Variants in LCN6 observed in about 807,000 individuals in gnomAD.
The protein encoded by LCN6 is epididymal-specific lipocalin-6.
A neutral mutation model predicts 21.4 loss-of-function variants in LCN6; 20 were observed. The observed-to-expected ratio is 0.93, with a 90% CI of 0.66 to 1.36. LCN6 has a LOEUF of 1.36. Ranked by LOEUF, LCN6 falls within the 40% of genes most tolerant of loss-of-function variation. LCN6 has a pLI of 0.00. For synonymous variants in LCN6, 96 were observed against 89.0 expected (o/e 1.08, Z -0.44); for missense variants, 217 against 206.6 (o/e 1.05, Z -0.31).
At chr9:136,745,461 G>A (rs1847024993) in intron 3 of LCN6, 181 bp from the exon 4 acceptor site, 1 of 585,474 alleles carries the variant, frequency 1.7e-6, no homozygotes, top group African/African-American at 2.2e-5. Context: ...GACCCCACCT[G>A]GTGCCAGCAT....
In LCN6 at chr9:136,744,926, G is replaced by A. The variant is rs1424456664; in HGVS notation, c.413-185C>T. Among the ~76,000 whole-genome samples, 5 of 151,914 alleles carry A rather than the reference G, an allele frequency of 3.3e-5. No homozygotes were observed. The highest frequency in any genetic ancestry group is 9.7e-5 in the African/African-American group (4 of 41,308). On this transcript the variant is annotated intron_variant, in intron 4 of 6. Coordinates refer to ENST00000341206, the MANE Select transcript of LCN6 (RefSeq NM_198946.3). The surrounding 1 kb of genome is among the most constrained non-coding windows in gnomAD (Gnocchi z 4.2). Reference sequence around the variant, plus strand: ...ACTTGGCCTGCATGTGGTCCTGTGCGGCCCACCCACCACACAGCTCCCCAC... The same window carrying A: ...ACTTGGCCTGCATGTGGTCCTGTGCAGCCCACCCACCACACAGCTCCCCAC...
chr9:136,745,304 CAG>C (rs771259985), intron 3 of LCN6, 24 bp from the exon 4 acceptor site: 2 of 1,504,028 alleles, frequency 1.3e-6, no homozygotes, highest in South Asian at 2.3e-5. Context: ...CCCCCCGCCT[CAG>C]GGGAGGGCAG....
At chr9:136,746,028 A>G in intron 2 of LCN6, 114 bp from the exon 3 acceptor site, 1 of 877,512 alleles carries the variant, frequency 1.1e-6, no homozygotes, top group East Asian at 2.4e-5. Flanking sequence ...CAGAGCTTCC[A>G]TCTTCTGCCA....
At position 136,744,523 on chromosome 9, in the gene LCN6, G is replaced by T; in HGVS notation, c.*22+117C>A. On this transcript the variant is annotated intron_variant, in intron 5 of 6. Transcript: ENST00000341206. This position sits in a 1 kb window ranked among gnomAD's most constrained non-coding sequence, Gnocchi z 4.2. ...CCTCAGCCTGCCTGACTCCTTCAGG[G>T]CGACTGAGTCAGGCAGAAGCCAGAA... The T allele has an allele frequency of 1.5e-6, 1 of 651,318 alleles. No individual in the cohort carries two copies. Among genetic ancestry groups the T allele is most frequent in the East Asian group, 2.8e-5 (1 of 36,106 alleles). 40.3% of individuals were successfully genotyped at this position (651,318 alleles called of 1,614,324 possible). A position where few individuals can be genotyped will look rare whatever the true frequency, so the allele number is the denominator to read the frequency against.
At position 136,744,556 on chromosome 9, in the gene LCN6, C is replaced by A; in HGVS notation, c.*22+84G>T. 1 of 847,852 alleles carries A rather than the reference C, an allele frequency of 1.2e-6. No individual in the cohort carries two copies. Among genetic ancestry groups the A allele is most frequent in the Non-Finnish European group, 1.9e-6 (1 of 525,354 alleles). The allele number at this position is 847,852 out of a possible 1,614,324, so 52.5% of individuals were successfully genotyped here. A position where few individuals can be genotyped will look rare whatever the true frequency, so the allele number is the denominator to read the frequency against. Reference sequence around the variant, plus strand: ...GTCAGGCAGAAGCCAGAATCAACCCCAGGGTCTCTGTCACCCCATCACGCC... The same window carrying A: ...GTCAGGCAGAAGCCAGAATCAACCCAAGGGTCTCTGTCACCCCATCACGCC... On this transcript the variant is annotated intron_variant, in intron 5 of 6. Coordinates refer to ENST00000341206, the MANE Select transcript of LCN6 (RefSeq NM_198946.3). The surrounding 1 kb of genome is among the most constrained non-coding windows in gnomAD (Gnocchi z 4.2).
At chr9:136,745,545 G>A (rs1350764389) in intron 3 of LCN6, 9 of 589,070 alleles carry the variant, frequency 1.5e-5, no homozygotes, top group East Asian at 1.1e-4. Flanking sequence ...AACGAGGAGC[G>A]GCTGGGTCAC....
At position 136,748,465 on chromosome 9, in the gene LCN6, C is replaced by A; in HGVS notation, c.19G>T (p.Ala7Ser). MGGLLL[A>S]AFLALVSVPR... ...ACCGAGACCAAAGCCAGAAAAGCAG[C>A]CAGCAGCAGGCCGCCCATCCTCCCA... The change falls in exon 1 of 7, where the codon GCT becomes TCT. Residue 7 changes from alanine to serine, a missense_variant. By Grantham distance (99) the Ala-to-Ser change is moderately conservative. Coordinates refer to ENST00000341206, the MANE Select transcript of LCN6 (RefSeq NM_198946.3). The A allele has an allele frequency of 6.2e-7, 1 of 1,613,194 alleles. No homozygotes were observed. The highest frequency in any genetic ancestry group is 8.5e-7 in the Non-Finnish European group (1 of 1,179,916).
chr9:136,745,212 G>A lies in LCN6; in HGVS notation c.370C>T (p.Leu124=), dbSNP rs1280454527. Residue 124 remains leucine, a synonymous_variant, in exon 4 of 7, where the codon CTG becomes TTG. Coordinates refer to ENST00000341206, the MANE Select transcript of LCN6 (RefSeq NM_198946.3). ...TTGAAGGGCTCGTCCCCGAACTCCAGCTGAGTGAAGATGATGGCATAGTCT... is the reference window on the plus strand; with the variant it reads ...TTGAAGGGCTCGTCCCCGAACTCCAACTGAGTGAAGATGATGGCATAGTCT... ...FRDYAIIFTQ[L]EFGDEPFNTV... 3 of 1,613,584 alleles carry A rather than the reference G, an allele frequency of 1.9e-6. No individual in the cohort carries two copies. In the Admixed American group the frequency reaches 5.0e-5, roughly 27 times the overall value.
rs555545046 is a variant in LCN6 at position 136,745,182 on chromosome 9, C to T, written c.400G>A (p.Val134Met). 5.8e-5 allele frequency: 93 copies of T among 1,610,178 alleles called. No individual in the cohort carries two copies. Among genetic ancestry groups the T allele is most frequent in the Admixed American group, 1.7e-4 (10 of 60,010 alleles). Residue 134 changes from valine to methionine, a missense_variant, in exon 4 of 7, where the codon GTG becomes ATG. Physicochemically the swap from Val to Met is conservative, Grantham distance 21. Transcript: ENST00000341206. Reference protein sequence around the residue: ...LEFGDEPFNTVELYSLTETAS... With the variant: ...LEFGDEPFNTMELYSLTETAS... ...ACAGCACACTTACTGTACAGCTCCA[C>T]GGTGTTGAAGGGCTCGTCCCCGAAC...
Position 136,744,465 on chromosome 9 carries a change from G to C in LCN6, c.*23-101C>G. 1 of 524,494 alleles carries C rather than the reference G, an allele frequency of 1.9e-6. No homozygotes were observed. The highest frequency in any genetic ancestry group is 3.5e-6 in the Non-Finnish European group (1 of 288,234). The allele number at this position is 524,494 out of a possible 1,614,324, so 32.5% of individuals were successfully genotyped here. On this transcript the variant is annotated intron_variant, in intron 5 of 6. Transcript: ENST00000341206. This position sits in a 1 kb window ranked among gnomAD's most constrained non-coding sequence, Gnocchi z 4.2. ...GCCTGCCGTGGGGACAAGACCCCCA[G>C]GCCTGACTTTGGGCAGGGGCAGGTG...
rs1847012336 is a variant in LCN6 at position 136,744,794 on chromosome 9, G to A, written c.413-53C>T. On this transcript the variant is annotated intron_variant, in intron 4 of 6. Transcript: ENST00000341206. This position sits in a 1 kb window ranked among gnomAD's most constrained non-coding sequence, Gnocchi z 4.2. ...AAGCAACCTCTGAGAGCTGGGGAGG[G>A]GCCGGGGAGGGGCTGGGAAGGGTCA... The A allele has an allele frequency of 2.3e-6, 3 of 1,303,220 alleles. No individual in the cohort carries two copies. Among genetic ancestry groups the A allele is most frequent in the African/African-American group, 1.4e-5 (1 of 69,066 alleles). The allele number at this position is 1,303,220 out of a possible 1,614,324, so 80.7% of individuals were successfully genotyped here.
At chr9:136,745,812 G>T (rs200402405) in intron 3 of LCN6, 32 bp downstream of exon 3, 38 of 1,600,900 alleles carry the variant, frequency 2.4e-5, no homozygotes, top group Non-Finnish European at 3.2e-5. Context: ...AGGGAAGAAC[G>T]GCCTGGGTGA....
At chr9:136,746,023 C>T (rs970314554) in intron 2 of LCN6, 109 bp from the exon 3 acceptor site, 2 of 904,262 alleles carry the variant, frequency 2.2e-6, no homozygotes, top group Non-Finnish European at 3.6e-6. Flanking sequence ...GAGGCCAGAG[C>T]TTCCATCTTC....
rs1224574600 is a variant in LCN6 at position 136,744,151 on chromosome 9, C to T, written c.*49-9G>A. 1 of 154,096 alleles carries T rather than the reference C, an allele frequency of 6.5e-6. No homozygotes were observed. The highest frequency in any genetic ancestry group is 2.4e-5 in the African/African-American group (1 of 41,454). 9.5% of individuals were successfully genotyped at this position (154,096 alleles called of 1,614,324 possible). A position where few individuals can be genotyped will look rare whatever the true frequency, so the allele number is the denominator to read the frequency against. On this transcript the variant is annotated splice_polypyrimidine_tract_variant and intron_variant, in intron 6 of 6. Coordinates refer to ENST00000341206, the MANE Select transcript of LCN6 (RefSeq NM_198946.3). This position sits in a 1 kb window ranked among gnomAD's most constrained non-coding sequence, Gnocchi z 4.2. ...TGGGGACGCAGCACTCACTGAAAAC[C>T]AAGAGGAGTGTGAGGGGGCCCAGCC...
At chr9:136,748,320 C>T (rs1206131332) in intron 1 of LCN6, 74 bp downstream of exon 1, 3 of 1,349,426 alleles carry the variant, frequency 2.2e-6, no homozygotes, top group African/African-American at 1.5e-5. Flanking sequence ...CCTGGGGGGC[C>T]CAGAAGCTGT....
At chr9:136,746,393 G>A (rs1225542494) in intron 2 of LCN6, among the ~76,000 whole-genome samples, 1 of 149,998 alleles carries the variant, frequency 6.7e-6, no homozygotes, top group African/African-American at 2.5e-5. Flanking sequence ...AGGATGGGGC[G>A]GGGTGGGGGT....
intron 1 of LCN6, 139 bp from the exon 2 acceptor site, chr9:136,747,702 CAGCCT>C: frequency 3.6e-6 from 4 of 1,109,370 alleles, no homozygotes; most frequent in Non-Finnish European, 5.0e-6. Context: ...CTCCAGCCTC[CAGCCT>C]CCAACCCTCC....
At chr9:136,746,488 G>C (rs1847040510) in intron 2 of LCN6, among the ~76,000 whole-genome samples, 1 of 152,184 alleles carries the variant, frequency 6.6e-6, no homozygotes, top group Admixed American at 6.5e-5. Context: ...GTGCAATGGT[G>C]TTTGCCAAGG....
chr9:136,746,850 C>G (rs1256659710), intron 2 of LCN6: 1 of 152,566 alleles, frequency 6.6e-6, no homozygotes, highest in Middle Eastern at 3.1e-3. Context: ...ACGGCTACCC[C>G]CACAGCCCGG....
Sources: gnomAD v4.1 joint callset for allele counts (sites outside exome capture counted in the v4.1 genomes callset) on GRCh38, gnomAD v4.1.1 for gene constraint, Gnocchi (gnomAD v3.1) non-coding constraint, MANE v1.5 for transcripts, NCBI Gene and HGNC (gene_info 2026-07-23, HGNC 2026-07-21) for gene names.